Variants in DNAJC3 observed in about 807,000 individuals in gnomAD.
The protein encoded by DNAJC3 is DnaJ heat shock protein family (Hsp40) member C3, also known as dnaJ homolog subfamily C member 3.
In DNAJC3, 38 loss-of-function variants were observed where a neutral mutation model predicts 68.6. The ratio of observed to expected loss-of-function variants is 0.55; its 90% CI spans 0.43 to 0.73. The LOEUF is 0.73. Ranked by LOEUF, DNAJC3 falls within the 30% of genes least tolerant of loss-of-function variation. The pLI, the probability that DNAJC3 is intolerant of heterozygous loss-of-function variation, is 0.00. For synonymous variants in DNAJC3, 203 were observed against 204.0 expected (o/e 1.00, Z 0.04); for missense variants, 526 against 591.9 (o/e 0.89, Z 1.16).
chr13:95,677,577 C>T (rs1232983854), intron 1 of DNAJC3, among the ~76,000 whole-genome samples: 1 of 152,198 alleles, frequency 6.6e-6, no homozygotes, highest in Non-Finnish European at 1.5e-5. Flanking sequence ...AACCGGGCCG[C>T]AGGAGTCGGA....
Position 95,725,921 on chromosome 13 carries a change from G to A in DNAJC3, c.393+669G>A, listed in dbSNP as rs572909510. Among the ~76,000 whole-genome samples, 278 of 147,952 alleles carry A rather than the reference G, an allele frequency of 1.9e-3. 5 individuals are homozygous for A. The South Asian group carries it at 0.024, about 13-fold the overall frequency. ...TTCCCACCTATGAGTGAGAACATGC[G>A]GTGTTTGGTTTTTTGTCCTTGCGAT... On this transcript the variant is annotated intron_variant, in intron 4 of 11. Transcript: ENST00000602402.
chr13:95,686,877 G>T (rs987410148), intron 1 of DNAJC3, among the ~76,000 whole-genome samples: 62 of 152,116 alleles, frequency 4.1e-4, no homozygotes, highest in Non-Finnish European at 2.9e-5. Context: ...TTTTGGTGCT[G>T]TATGGACTTT....
rs144642886 is a variant in DNAJC3, at chr13:95,711,561, C to T, written c.193+2224C>T. Among the ~76,000 whole-genome samples the T allele has an allele frequency of 1.1e-3, 170 of 151,522 alleles. 1 individual carries two copies. Among genetic ancestry groups the T allele is most frequent in the African/African-American group, 3.6e-3 (149 of 41,260 alleles). ...GACATGGCATAATTATAAGAACATACAAAAGTTGAAAAATGAGGGGAAAAG... is the reference window on the plus strand; with the variant it reads ...GACATGGCATAATTATAAGAACATATAAAAGTTGAAAAATGAGGGGAAAAG... On this transcript the variant is annotated intron_variant, in intron 2 of 11. Coordinates refer to ENST00000602402, the MANE Select transcript of DNAJC3 (RefSeq NM_006260.5).
rs1244263866 is a variant in DNAJC3 at position 95,740,222 on chromosome 13, G to A, written c.393+14970G>A. Among the ~76,000 whole-genome samples the A allele has an allele frequency of 3.9e-5, 6 of 152,226 alleles. No individual in the cohort carries two copies. In the East Asian group the frequency reaches 9.6e-4, roughly 24 times the overall value. The stretch of plus-strand genomic sequence containing the variant: ...ACCACTGCTCTCTTCAAAGCTGTCA[G>A]ACAGGGATATTTAAGTCTTCAGAGG... On this transcript the variant is annotated intron_variant, in intron 4 of 11. Coordinates refer to ENST00000602402, the MANE Select transcript of DNAJC3 (RefSeq NM_006260.5).
At chr13:95,704,462 C>G (rs1880665267) in intron 1 of DNAJC3, among the ~76,000 whole-genome samples, 1 of 152,182 alleles carries the variant, frequency 6.6e-6, no homozygotes, top group Non-Finnish European at 1.5e-5. Context: ...GTAAGCCATT[C>G]TATGTGATGG....
intron 1 of DNAJC3, among the ~76,000 whole-genome samples, chr13:95,681,133 C>T (rs141068119): frequency 6.6e-5 from 10 of 152,166 alleles, no homozygotes; most frequent in African/African-American, 2.2e-4. Flanking sequence ...TCCTCTTTTT[C>T]TCCTTTCCCG....
intron 2 of DNAJC3, among the ~76,000 whole-genome samples, chr13:95,719,930 G>A (rs1189422106): frequency 2.0e-5 from 3 of 152,158 alleles, no homozygotes; most frequent in Non-Finnish European, 4.4e-5. Context: ...CCATGTAAAT[G>A]CTGTGTAAAT....
chr13:95,756,431 G>C (rs17878514), intron 4 of DNAJC3, among the ~76,000 whole-genome samples: 1,733 of 151,976 alleles, frequency 0.011, 35 homozygotes, highest in African/African-American at 0.04. Flanking sequence ...ACAAGTCAAG[G>C]GTTAAAACAG....
chr13:95,702,564 A>G lies in DNAJC3; in HGVS notation c.83-6663A>G, dbSNP rs1880613845. On this transcript the variant is annotated intron_variant, in intron 1 of 11. Transcript: ENST00000602402. ...AGATGATGCCCTCATGACTGGGATT[A>G]GTGGCCATATGAAAGAGGCCTGAAG... Among the ~76,000 whole-genome samples the G allele has an allele frequency of 2.0e-5, 3 of 152,322 alleles. No individual in the cohort carries two copies. In the South Asian group the frequency reaches 6.2e-4, roughly 32 times the overall value.
At chr13:95,702,227 CAG>C (rs2139618135) in intron 1 of DNAJC3, among the ~76,000 whole-genome samples, 2 of 152,298 alleles carry the variant, frequency 1.3e-5, no homozygotes, top group East Asian at 3.9e-4. Context: ...ACATTACCAG[CAG>C]TTCCCTCCTG....
chr13:95,790,943 C>G lies in DNAJC3; in HGVS notation c.1428C>G (p.Asn476Lys). ...DAESQQGGGG[N>K]PFHRSWNSWQ... is the part of the protein sequence containing the mutation. ...AGAGCCAGCAAGGAGGCGGCGGCAA[C>G]CCTTTCCACAGAAGCTGGAACTCAT... is the stretch of plus-strand genomic sequence containing the variant. Residue 476 changes from asparagine to lysine, a missense_variant, in exon 12 of 12, where the codon AAC becomes AAG. Physicochemically the swap from Asn to Lys is moderately conservative, Grantham distance 94 (BLOSUM62 0). Transcript: ENST00000602402. 1 of 1,610,358 alleles carries G rather than the reference C, an allele frequency of 6.2e-7. No individual in the cohort carries two copies. Among genetic ancestry groups the G allele is most frequent in the Non-Finnish European group, 8.5e-7 (1 of 1,179,186 alleles).
At chr13:95,767,691 G>GTTTTTTTTT (rs796243780) in intron 9 of DNAJC3, among the ~76,000 whole-genome samples, 37 of 135,796 alleles carry the variant, frequency 2.7e-4, no homozygotes, top group African/African-American at 9.6e-4. Context: ...AGTTTTTTGG[G>GTTTTTTTTT]TTTTTTTTTT....
chr13:95,715,886 G>A (rs1011702895), intron 2 of DNAJC3, among the ~76,000 whole-genome samples: 1 of 151,994 alleles, frequency 6.6e-6, no homozygotes, highest in African/African-American at 2.4e-5. Flanking sequence ...GCTGGGCGTG[G>A]TGGCTCATGC....
chr13:95,755,755 TCA>T (rs1882636762), intron 4 of DNAJC3, among the ~76,000 whole-genome samples: 1 of 26,560 alleles, frequency 3.8e-5, no homozygotes, highest in African/African-American at 1.7e-4. Flanking sequence ...AGACGCCGTC[TCA>T]AAAAAAAAAA....
intron 9 of DNAJC3, among the ~76,000 whole-genome samples, chr13:95,783,549 C>T (rs1208102202): frequency 1.3e-5 from 2 of 152,122 alleles, no homozygotes; most frequent in Admixed American, 6.5e-5. Context: ...TGTTTTTATA[C>T]TAAACTGGGA....
Position 95,704,709 on chromosome 13 carries a change from G to A in DNAJC3, c.83-4518G>A, listed in dbSNP as rs539098714. On this transcript the variant is annotated intron_variant, in intron 1 of 11. Coordinates refer to ENST00000602402, the MANE Select transcript of DNAJC3 (RefSeq NM_006260.5). ...CCAAATAAAATCAATCTGCCACTAG[G>A]TGGCCAGCTGTCTCTTTCCCACCCA... 3.1e-3 allele frequency among the ~76,000 whole-genome samples: 471 copies of A among 152,224 alleles called. 1 individual carries two copies. The highest frequency in any genetic ancestry group is 6.8e-3 in the Middle Eastern group (2 of 294).
chr13:95,783,207 C>A (rs1883504477), intron 9 of DNAJC3, among the ~76,000 whole-genome samples: 1 of 152,144 alleles, frequency 6.6e-6, no homozygotes, highest in Non-Finnish European at 1.5e-5. Flanking sequence ...GGAAGTCTTA[C>A]ATCATCCATA....
intron 1 of DNAJC3, among the ~76,000 whole-genome samples, chr13:95,696,876 G>T (rs1325621602): frequency 1.3e-5 from 2 of 152,116 alleles, no homozygotes; most frequent in African/African-American, 4.8e-5. Context: ...CTCCTGAGTA[G>T]CTGGGACTAC....
At chr13:95,679,431 T>G (rs1029744146) in intron 1 of DNAJC3, among the ~76,000 whole-genome samples, 6 of 152,048 alleles carry the variant, frequency 3.9e-5, no homozygotes, top group African/African-American at 1.4e-4. Context: ...GTGTAATAAA[T>G]TATATAGAGG....
Sources: allele counts gnomAD v4.1 joint callset (sites outside exome capture counted in the v4.1 genomes callset), GRCh38; gene constraint gnomAD v4.1.1; transcripts MANE v1.5; gene names NCBI Gene and HGNC (gene_info 2026-07-23, HGNC 2026-07-21).